The following DLGAP5 variants were observed in gnomAD, a reference collection of about 807,000 sequenced individuals.
The protein encoded by DLGAP5 is DLG associated protein 5, also known as disks large-associated protein 5.
Under a neutral mutation model 99.6 loss-of-function variants are expected in DLGAP5, and 90 were observed. The observed-to-expected ratio is 0.90, with a 90% confidence interval of 0.76 to 1.08. The LOEUF is 1.08. Among genes scored for constraint, DLGAP5 ranks in the 50% least tolerant of loss-of-function variants. DLGAP5 has a pLI of 0.00. For synonymous variants in DLGAP5, 311 were observed against 321.3 expected, an observed-to-expected ratio of 0.97 and a Z score of 0.34; for missense variants, 1,036 against 983.5, an observed-to-expected ratio of 1.05 and a Z score of -0.71.
intron 10 of DLGAP5, among the ~76,000 whole-genome samples, chr14:55,172,854 C>T (rs545650530): frequency 9.9e-5 from 15 of 151,724 alleles, no homozygotes; most frequent in Admixed American, 5.2e-4. Context: ...TGGTGGCACA[C>T]GCCTGTAATC....
intron 2 of DLGAP5, among the ~76,000 whole-genome samples, chr14:55,183,963 G>A (rs1320032913): frequency 6.6e-6 from 1 of 152,146 alleles, no homozygotes; most frequent in African/African-American, 2.4e-5. Flanking sequence ...GACCAGCCTG[G>A]CCAACGTGGT....
Position 55,154,634 on chromosome 14 carries a change from C to A in DLGAP5, c.2046G>T (p.Leu682Phe), listed in dbSNP as rs752684753. ...KSEHVKKTLF[L>F]SIPESRSSIE... ...AGAAATACCTGCTTTCAGGAATACT[C>A]AAAAACAAAGTCTTCTTCACATGTT... Residue 682 changes from leucine (L) to phenylalanine (F), a missense_variant, in exon 15 of 19, where the codon TTG becomes TTT. Physicochemically the swap from Leu to Phe is conservative, Grantham distance 22. Coordinates refer to ENST00000247191, the MANE Select transcript of DLGAP5 (RefSeq NM_014750.5). The A allele has an allele frequency of 1.2e-6, 2 of 1,613,876 alleles. No homozygotes were observed. The highest frequency in any genetic ancestry group is 2.7e-5 in the African/African-American group (2 of 74,924).
At chr14:55,173,890 A>G (rs538747199) in intron 10 of DLGAP5, among the ~76,000 whole-genome samples, 74 of 152,220 alleles carry the variant, frequency 4.9e-4, no homozygotes, top group Non-Finnish European at 4.4e-4. Flanking sequence ...GATGTATGTC[A>G]CCTCAGGACC....
intron 10 of DLGAP5, among the ~76,000 whole-genome samples, chr14:55,171,772 T>C: frequency 6.6e-6 from 1 of 152,124 alleles, no homozygotes; most frequent in Admixed American, 6.5e-5. Context: ...TACAATGAAA[T>C]ATTATTCGGC....
At chr14:55,179,395 ATTT>A (rs1480911502) in intron 7 of DLGAP5, among the ~76,000 whole-genome samples, 1 of 152,078 alleles carries the variant, frequency 6.6e-6, no homozygotes, top group East Asian at 1.9e-4. Flanking sequence ...TGTTTTTATT[ATTT>A]TTCTCCATCT....
At chr14:55,157,584 A>G (rs1046507045) in intron 14 of DLGAP5, among the ~76,000 whole-genome samples, 5 of 150,000 alleles carry the variant, frequency 3.3e-5, no homozygotes, top group Non-Finnish European at 5.9e-5. Context: ...TAGTCTGTGG[A>G]AAAAAAAGCT....
intron 10 of DLGAP5, among the ~76,000 whole-genome samples, chr14:55,173,611 A>G (rs2140321024): frequency 6.7e-6 from 1 of 148,928 alleles, no homozygotes; most frequent in East Asian, 1.9e-4. Flanking sequence ...CTCTATATAT[A>G]TATATACATG....
intron 14 of DLGAP5, among the ~76,000 whole-genome samples, chr14:55,157,446 G>A (rs536577531): frequency 6.6e-6 from 1 of 152,258 alleles, no homozygotes; most frequent in East Asian, 1.9e-4. Flanking sequence ...TATACTTGAG[G>A]ATCACTATAA....
chr14:55,159,915 G>A (rs1349064131), intron 13 of DLGAP5, among the ~76,000 whole-genome samples: 2 of 152,124 alleles, frequency 1.3e-5, no homozygotes, highest in Non-Finnish European at 2.9e-5. Context: ...CAAAAACAAG[G>A]AAGTAGGCCA....
At position 55,189,059 on chromosome 14, in the gene DLGAP5, G is replaced by A; in HGVS notation, c.121C>T (p.Arg41Ter). The A allele has an allele frequency of 1.2e-6, 2 of 1,613,708 alleles. No homozygotes were observed. The highest frequency in any genetic ancestry group is 1.7e-6 in the Non-Finnish European group (2 of 1,179,904). ...TCTTTCAAACCAAAGTGTCTATTTC[G>A]TTCGTATTCCTTATGTCTATTTTCT... ...QKENRHKEYE[R>*]NRHFGLKDVN... is the part of the protein sequence containing the mutation. Residue 41 changes from arginine (R) to a stop codon, truncating the protein, a stop_gained, in exon 2 of 19, where the codon CGA (arginine) becomes TGA (stop). Coordinates refer to ENST00000247191, the MANE Select transcript of DLGAP5 (RefSeq NM_014750.5). LOFTEE classifies it high-confidence loss of function.
chr14:55,177,361 A>G, intron 7 of DLGAP5, 25 bp from the exon 8 acceptor site: 1 of 1,548,860 alleles, frequency 6.5e-7, no homozygotes, highest in Non-Finnish European at 8.7e-7. Flanking sequence ...AACAAAGTAG[A>G]GTAAGATTTC....
At chr14:55,154,121 T>TC (rs963776498) in intron 15 of DLGAP5, among the ~76,000 whole-genome samples, 16 of 150,956 alleles carry the variant, frequency 1.1e-4, no homozygotes, top group East Asian at 9.7e-4. Flanking sequence ...ACACATTAAC[T>TC]CCCCCCCCTT....
chr14:55,169,644 A>G (rs552308880), intron 11 of DLGAP5, 85 bp from the exon 12 acceptor site: 2 of 1,241,120 alleles, frequency 1.6e-6, no homozygotes, highest in Admixed American at 3.2e-5. Context: ...ACTTCACTCC[A>G]AACATCCTAG....
intron 12 of DLGAP5, among the ~76,000 whole-genome samples, chr14:55,168,967 A>G (rs28547246): frequency 0.16 from 25,015 of 151,874 alleles, 2,995 homozygotes; most frequent in African/African-American, 0.34. Flanking sequence ...ACGAGGTCAG[A>G]AGATCGAGAC....
chr14:55,153,504 G>A (rs1406518091), intron 15 of DLGAP5, among the ~76,000 whole-genome samples: 1 of 149,212 alleles, frequency 6.7e-6, no homozygotes, highest in African/African-American at 2.5e-5. Flanking sequence ...TAGTGCCACT[G>A]CACTCCAGCC....
chr14:55,149,765 G>A (rs915445438), intron 18 of DLGAP5, among the ~76,000 whole-genome samples: 4 of 148,332 alleles, frequency 2.7e-5, no homozygotes, highest in Non-Finnish European at 6.0e-5. Context: ...AAAAATATCG[G>A]CCAGGCACGG....
intron 12 of DLGAP5, among the ~76,000 whole-genome samples, chr14:55,167,058 A>C (rs1029152818): frequency 2.6e-5 from 4 of 151,506 alleles, no homozygotes; most frequent in African/African-American, 7.3e-5. Context: ...AGTTTAAGAC[A>C]AGCCTGACCA....
chr14:55,182,381 C>T lies in DLGAP5; in HGVS notation c.484G>A (p.Glu162Lys), dbSNP rs141064739. 24 of 1,612,414 alleles carry T rather than the reference C, an allele frequency of 1.5e-5. No homozygotes were observed. The African/African-American group carries it at 2.1e-4, about 14-fold the overall frequency. The change falls in exon 4 of 19, where the codon GAG becomes AAG. Residue 162 changes from glutamate (E) to lysine (K), a missense_variant. Glu to Lys is a moderately conservative substitution (Grantham distance 56). Coordinates refer to ENST00000247191, the MANE Select transcript of DLGAP5 (RefSeq NM_014750.5). Reference protein sequence around the residue: ...ITRSKAKDQMEQTKIDNESDV... With the variant: ...ITRSKAKDQMKQTKIDNESDV... ...ACTATCAACTATACCTTAGTCTGCT[C>T]CATTTGGTCTTTGGCCTTTGACCTT...
rs766151895 is a variant in DLGAP5, at chr14:55,154,604, G to A, written c.2063+13C>T. 1.9e-6 allele frequency: 3 copies of A among 1,607,130 alleles called. No homozygotes were observed. The highest frequency in any genetic ancestry group is 2.6e-6 in the Non-Finnish European group (3 of 1,174,092). On this transcript the variant is annotated intron_variant, in intron 15 of 18. Transcript: ENST00000247191. Reference sequence around the variant, plus strand: ...GCAACTGTTAAACTCTTATTAACATGTTAAAGAAATACCTGCTTTCAGGAA... The same window carrying A: ...GCAACTGTTAAACTCTTATTAACATATTAAAGAAATACCTGCTTTCAGGAA...
Sources: allele counts gnomAD v4.1 joint callset (sites outside exome capture counted in the v4.1 genomes callset), GRCh38; gene constraint gnomAD v4.1.1; transcripts MANE v1.5; gene names NCBI Gene and HGNC (gene_info 2026-07-23, HGNC 2026-07-21).